Variants in VWA5B1 observed in about 807,000 individuals in gnomAD.
VWA5B1 encodes the protein von Willebrand factor A domain-containing protein 5B1.
A neutral mutation model predicts 118.2 loss-of-function variants in VWA5B1; 115 were observed. The observed-to-expected ratio is 0.97, with a 90% CI of 0.84 to 1.14. VWA5B1 has a LOEUF of 1.14. VWA5B1 is among the 50% of genes most tolerant of loss of function. The pLI is 0.00. For missense variants in VWA5B1, 1,596 were observed against 1,603.8 expected, an observed-to-expected ratio of 1.00 and a Z score of 0.08; for synonymous variants, 682 against 658.4, an observed-to-expected ratio of 1.04 and a Z score of -0.55.
intron 17 of VWA5B1, among the ~76,000 whole-genome samples, chr1:20,347,965 A>C (rs1377063834): frequency 1.3e-5 from 2 of 152,192 alleles, no homozygotes; most frequent in East Asian, 3.9e-4. Flanking sequence ...TCTCAGCAAT[A>C]GTATCTACCC....
intron 16 of VWA5B1, among the ~76,000 whole-genome samples, chr1:20,344,569 T>A (rs1570216007): frequency 6.6e-6 from 1 of 152,120 alleles, no homozygotes; most frequent in Non-Finnish European, 1.5e-5. Context: ...AAGACAGGGA[T>A]CCAAGAGATT....
chr1:20,310,560 T>C lies in VWA5B1; in HGVS notation c.-26-16T>C. 6.8e-7 allele frequency: 1 copy of C among 1,476,788 alleles called. No individual in the cohort carries two copies. Among genetic ancestry groups the C allele is most frequent in the Non-Finnish European group, 9.0e-7 (1 of 1,111,622 alleles). 91.5% of individuals were successfully genotyped at this position (1,476,788 alleles called of 1,614,324 possible). ...GGGAGCCTCTTCCCACTTCCTGCCC[T>C]TCCTGTGTCTCACAGGTTCTGAAGG... On this transcript the variant is annotated splice_polypyrimidine_tract_variant and intron_variant, in intron 1 of 21. Transcript: ENST00000289815.
intron 9 of VWA5B1, among the ~76,000 whole-genome samples, chr1:20,328,272 G>A (rs1232950042): frequency 6.6e-6 from 1 of 152,152 alleles, no homozygotes; most frequent in African/African-American, 2.4e-5. Flanking sequence ...AATGAGGTAC[G>A]GAAAGTGGGT....
chr1:20,308,851 TC>T (rs1375332689), intron 1 of VWA5B1, among the ~76,000 whole-genome samples: 3 of 152,146 alleles, frequency 2.0e-5, no homozygotes, highest in Non-Finnish European at 4.4e-5. Context: ...AACAGTCCCT[TC>T]TTTGAGAAAG....
chr1:20,320,348 C>T (rs114594758), intron 7 of VWA5B1, among the ~76,000 whole-genome samples: 1,918 of 152,336 alleles, frequency 0.013, 46 homozygotes, highest in African/African-American at 0.044. Flanking sequence ...ATGCTCTGCC[C>T]GCCTAGCTGG....
At chr1:20,334,461 G>A (rs1427290707) in intron 12 of VWA5B1, among the ~76,000 whole-genome samples, 46 of 152,206 alleles carry the variant, frequency 3.0e-4, no homozygotes, top group Admixed American at 3.0e-3. Flanking sequence ...ACATATTGTT[G>A]GTGTAAATAT....
rs1220095286 is a variant in VWA5B1 at position 20,358,478 on chromosome 1, TAC to T, written c.*4217_*4218del. Among the ~76,000 whole-genome samples, 2 of 152,200 alleles carry T rather than the reference TAC, an allele frequency of 1.3e-5. No individual in the cohort carries two copies. Among genetic ancestry groups the T allele is most frequent in the Non-Finnish European group, 2.9e-5 (2 of 68,026 alleles). On this transcript the variant is annotated 3_prime_UTR_variant, in exon 22 of 22. Coordinates refer to ENST00000289815, the MANE Select transcript of VWA5B1 (RefSeq NM_001039500.3). ...GGAAAGGGGGTCTCCCCTATCTGTG[TAC>T]AGTCTGCCCCCCCACCCTGCAATTG...
chr1:20,300,844 C>G (rs2088489319), intron 1 of VWA5B1, among the ~76,000 whole-genome samples: 1 of 152,234 alleles, frequency 6.6e-6, no homozygotes, highest in Non-Finnish European at 1.5e-5. Flanking sequence ...CCCCACCAAT[C>G]TTTACGCCCC....
rs2089920718 is a variant in VWA5B1, at chr1:20,343,161, T to C, written c.2394T>C (p.Ser798=). 11 of 1,548,696 alleles carry C rather than the reference T, an allele frequency of 7.1e-6. No homozygotes were observed. The highest frequency in any genetic ancestry group is 8.7e-6 in the Non-Finnish European group (10 of 1,146,006). The change falls in exon 16 of 22, where the codon AGT becomes AGC. Residue 798 remains serine (S), a synonymous_variant. Coordinates refer to ENST00000289815, the MANE Select transcript of VWA5B1 (RefSeq NM_001039500.3). ...CAGCCGAGTCCCAGGAGCGAGCCAG[T>C]CCCAGCAGGCCCGCCACCCCGGCCC... ...DPPAESQERA[S]PSRPATPAPV... is the part of the protein sequence containing the mutation.
chr1:20,320,160 A>G (rs897101373), intron 7 of VWA5B1, among the ~76,000 whole-genome samples: 1 of 152,198 alleles, frequency 6.6e-6, no homozygotes, highest in African/African-American at 2.4e-5. Flanking sequence ...ATGATGGCTC[A>G]TCTCTTTCCA....
At chr1:20,307,634 C>T (rs141276867) in intron 1 of VWA5B1, among the ~76,000 whole-genome samples, 68 of 152,082 alleles carry the variant, frequency 4.5e-4, no homozygotes, top group African/African-American at 1.6e-3. Context: ...TCCTCTGCTG[C>T]TAGATTATAA....
chr1:20,337,556 T>C lies in VWA5B1; in HGVS notation c.1943-90T>C. On this transcript the variant is annotated intron_variant, in intron 13 of 21. Coordinates refer to ENST00000289815, the MANE Select transcript of VWA5B1 (RefSeq NM_001039500.3). Reference sequence around the variant, plus strand: ...TTCAGTAGGCAAGAGGTGGAGAACGTGAGACACTTCCAAACAGGAAAGGGG... The same window carrying C: ...TTCAGTAGGCAAGAGGTGGAGAACGCGAGACACTTCCAAACAGGAAAGGGG... 5 of 1,392,448 alleles carry C rather than the reference T, an allele frequency of 3.6e-6. No individual in the cohort carries two copies. The South Asian group carries it at 7.3e-5, about 20-fold the overall frequency. The allele number at this position is 1,392,448 out of a possible 1,614,324, so 86.3% of individuals were successfully genotyped here. A position where few individuals can be genotyped will look rare whatever the true frequency, so the allele number is the denominator to read the frequency against.
chr1:20,326,743 C>A (rs556578175), intron 8 of VWA5B1, among the ~76,000 whole-genome samples: 42 of 147,484 alleles, frequency 2.8e-4, no homozygotes, highest in Non-Finnish European at 4.6e-4. Context: ...GTTACCGTGC[C>A]CAGCCAAAGC....
rs553769772 is a variant in VWA5B1, at chr1:20,349,315, C to G, written c.2879-841C>G. ...AAATTGCTGGTCTGTACCTTCCTTT[C>G]TCCGAAGCTTAGCTTTTGGTGGCCT... On this transcript the variant is annotated intron_variant, in intron 18 of 21. Transcript: ENST00000289815. The G allele has an allele frequency of 3.2e-5, 6 of 186,128 alleles. No individual in the cohort carries two copies. The South Asian group carries it at 4.4e-4, about 14-fold the overall frequency. 11.5% of individuals were successfully genotyped at this position (186,128 alleles called of 1,614,324 possible).
Position 20,314,455 on chromosome 1 carries a change from C to T in VWA5B1, c.426C>T (p.Thr142=), listed in dbSNP as rs1343097933. 1.3e-6 allele frequency: 2 copies of T among 1,551,826 alleles called. No individual in the cohort carries two copies. Among genetic ancestry groups the T allele is most frequent in the Admixed American group, 2.0e-5 (1 of 51,006 alleles). Residue 142 remains threonine, a synonymous_variant, in exon 4 of 22, where the codon ACC becomes ACT. Transcript: ENST00000289815. ...CCATTGCCCCCATGGAGAATGTCAC[C>T]ATCTTCATCAGCACCTCCTCGGAGC... ...LGTIAPMENV[T]IFISTSSELP...
intron 1 of VWA5B1, among the ~76,000 whole-genome samples, chr1:20,309,197 G>A (rs1353872967): frequency 6.6e-6 from 1 of 152,184 alleles, no homozygotes; most frequent in Non-Finnish European, 1.5e-5. Flanking sequence ...AGCCAAAGTC[G>A]AATCAAGGTG....
intron 12 of VWA5B1, among the ~76,000 whole-genome samples, chr1:20,335,655 C>A (rs1441877234): frequency 2.0e-5 from 3 of 152,106 alleles, no homozygotes; most frequent in Admixed American, 2.0e-4. Context: ...TGTATTCTTA[C>A]AATAAAGTAC....
chr1:20,291,975 G>A (rs938175709), intron 1 of VWA5B1, among the ~76,000 whole-genome samples: 1 of 152,110 alleles, frequency 6.6e-6, no homozygotes, highest in African/African-American at 2.4e-5. Context: ...GTGGGGCGGG[G>A]GCCAGAACCT....
At chr1:20,326,788 T>G (rs2089399585) in intron 8 of VWA5B1, among the ~76,000 whole-genome samples, 1 of 152,114 alleles carries the variant, frequency 6.6e-6, no homozygotes. Flanking sequence ...AGTCTTAGGT[T>G]TTGCAATCCA....
Sources: allele counts gnomAD v4.1 joint callset (sites outside exome capture counted in the v4.1 genomes callset), GRCh38; gene constraint gnomAD v4.1.1; transcripts MANE v1.5; gene names NCBI Gene and HGNC (gene_info 2026-07-23, HGNC 2026-07-21).